SH3RF3: variants seen among roughly 807,000 people sequenced by gnomAD.
SH3RF3 encodes SH3 domain containing ring finger 3.
In SH3RF3, 29 loss-of-function variants were observed where a neutral mutation model predicts 66.3. The ratio of observed to expected loss-of-function variants is 0.44; its 90% confidence interval spans 0.33 to 0.60. The LOEUF is 0.60. SH3RF3 is among the 20% of genes least tolerant of loss of function. The pLI is 0.04. For synonymous variants in SH3RF3, 583 were observed against 532.0 expected, an observed-to-expected ratio of 1.10 and a Z score of -1.32; for missense variants, 1,194 against 1,190.9, an observed-to-expected ratio of 1.00 and a Z score of -0.04.
At chr2:109,342,944 TTTTA>T (rs1428035947) in intron 1 of SH3RF3, among the ~76,000 whole-genome samples, 1 of 152,218 alleles carries the variant, frequency 6.6e-6, no homozygotes, top group Non-Finnish European at 1.5e-5. Flanking sequence ...TCCTTTTTTC[TTTTA>T]TTTCTTTTTC....
chr2:109,356,713 C>T (rs1682950170), intron 2 of SH3RF3, among the ~76,000 whole-genome samples: 1 of 152,214 alleles, frequency 6.6e-6, no homozygotes, highest in Non-Finnish European at 1.5e-5. Flanking sequence ...CTGTGAAGTA[C>T]ACCCATCTTT....
chr2:109,385,140 AG>A lies in SH3RF3; in HGVS notation c.946-13449del, dbSNP rs573426628. 9.6e-4 allele frequency among the ~76,000 whole-genome samples: 146 copies of A among 152,328 alleles called. 1 individual carries two copies. Among genetic ancestry groups the A allele is most frequent in the African/African-American group, 3.3e-3 (137 of 41,576 alleles). On this transcript the variant is annotated intron_variant, in intron 3 of 9. Coordinates refer to ENST00000309415, the MANE Select transcript of SH3RF3 (RefSeq NM_001099289.3). ...ACCCCTGCCCACGTTGGCATCAGACAGTCGAGCAGAAGCTCTGGCTCTCTCT... is the reference window on the plus strand; with the variant it reads ...ACCCCTGCCCACGTTGGCATCAGACATCGAGCAGAAGCTCTGGCTCTCTCT...
rs144192240 is a variant in SH3RF3 at position 109,440,536 on chromosome 2, A to G, written c.1828+3390A>G. Among the ~76,000 whole-genome samples the G allele has an allele frequency of 3.2e-3, 481 of 152,334 alleles. 1 individual carries two copies. Among genetic ancestry groups the G allele is most frequent in the Non-Finnish European group, 4.7e-3 (320 of 68,024 alleles). The stretch of plus-strand genomic sequence containing the variant: ...TTGAGCTAGACTTCTGCTTATGGCC[A>G]ATCTGAAGTGATGAGGACAGGAATT... On this transcript the variant is annotated intron_variant, in intron 7 of 9. Coordinates refer to ENST00000309415, the MANE Select transcript of SH3RF3 (RefSeq NM_001099289.3).
chr2:109,398,493 A>G (rs1415869126), intron 3 of SH3RF3, 97 bp from the exon 4 acceptor site: 3 of 1,097,908 alleles, frequency 2.7e-6, no homozygotes, highest in Non-Finnish European at 3.8e-6. Context: ...ATGCATTGCC[A>G]GTTTGTGAAT....
At chr2:109,435,130 G>A (rs1244459487) in intron 6 of SH3RF3, among the ~76,000 whole-genome samples, 1 of 152,186 alleles carries the variant, frequency 6.6e-6, no homozygotes, top group Non-Finnish European at 1.5e-5. Flanking sequence ...GCAGTGTCAG[G>A]AGGTCATTGA....
intron 4 of SH3RF3, among the ~76,000 whole-genome samples, chr2:109,407,268 C>T (rs1267860670): frequency 2.0e-5 from 3 of 152,194 alleles, no homozygotes; most frequent in African/African-American, 7.2e-5. Context: ...GGAACATACC[C>T]TTTAAAATCA....
intron 4 of SH3RF3, among the ~76,000 whole-genome samples, chr2:109,414,728 C>T (rs1028934939): frequency 6.6e-6 from 1 of 152,214 alleles, no homozygotes; most frequent in Admixed American, 6.5e-5. Context: ...CCAAACACTG[C>T]GTGTCCAGCA....
intron 5 of SH3RF3, among the ~76,000 whole-genome samples, chr2:109,427,913 G>A (rs930675568): frequency 6.6e-6 from 1 of 152,248 alleles, no homozygotes; most frequent in East Asian, 1.9e-4. Context: ...AGCTCCCCAG[G>A]TGCTCGCGCA....
chr2:109,335,547 C>G (rs561435491), intron 1 of SH3RF3, among the ~76,000 whole-genome samples: 2 of 152,202 alleles, frequency 1.3e-5, no homozygotes, highest in Non-Finnish European at 2.9e-5. Context: ...TCACCCTATC[C>G]CCATCCCAGT....
At chr2:109,375,653 C>T (rs1683365382) in intron 3 of SH3RF3, among the ~76,000 whole-genome samples, 1 of 152,242 alleles carries the variant, frequency 6.6e-6, no homozygotes, top group Non-Finnish European at 1.5e-5. Context: ...AGAGTGAACT[C>T]ACAGGAGGAT....
intron 1 of SH3RF3, among the ~76,000 whole-genome samples, chr2:109,214,921 A>G (rs188783305): frequency 1.5e-4 from 23 of 152,330 alleles, no homozygotes; most frequent in Admixed American, 9.1e-4. Context: ...ACCACAGCCC[A>G]GGAGCTCTGC....
At chr2:109,250,338 A>G (rs1024530604) in intron 1 of SH3RF3, among the ~76,000 whole-genome samples, 3 of 152,152 alleles carry the variant, frequency 2.0e-5, no homozygotes, top group Non-Finnish European at 4.4e-5. Flanking sequence ...AAACATGCAC[A>G]AGCTAACAGT....
At position 109,356,379 on chromosome 2, in the gene SH3RF3, T is replaced by C. The variant is rs1042826174; in HGVS notation, c.849+8430T>C. On this transcript the variant is annotated intron_variant, in intron 2 of 9. Transcript: ENST00000309415. ...CCACCACACTGCAGCTAGGTCTATG[T>C]TGGACTTGCCTCTCTAGCCAGATGG... 1.6e-4 allele frequency among the ~76,000 whole-genome samples: 24 copies of C among 152,238 alleles called. 1 individual carries two copies.
rs550753165 is a variant in SH3RF3 at position 109,248,845 on chromosome 2, G to A, written c.574-98829G>A. Among the ~76,000 whole-genome samples, 743 of 129,440 alleles carry A rather than the reference G, an allele frequency of 5.7e-3. 2 individuals carry two copies. Among genetic ancestry groups the A allele is most frequent in the African/African-American group, 0.017 (560 of 32,734 alleles). 84.9% of individuals were successfully genotyped at this position (129,440 alleles called of 152,430 possible). A position where few individuals can be genotyped will look rare whatever the true frequency, so the allele number is the denominator to read the frequency against. ...TCTCTTTCTCTCTTTTCTCCTTTTCGTTTTCCTTTTTCCTTTCCTTTTTCC... is the reference window on the plus strand; with the variant it reads ...TCTCTTTCTCTCTTTTCTCCTTTTCATTTTCCTTTTTCCTTTCCTTTTTCC... On this transcript the variant is annotated intron_variant, in intron 1 of 9. Transcript: ENST00000309415.
intron 1 of SH3RF3, among the ~76,000 whole-genome samples, chr2:109,267,242 A>C (rs545098038): frequency 6.6e-6 from 1 of 152,214 alleles, no homozygotes; most frequent in African/African-American, 2.4e-5. Flanking sequence ...AGTGCATGTA[A>C]AGGCACACAA....
intron 6 of SH3RF3, among the ~76,000 whole-genome samples, chr2:109,434,037 G>A (rs1677329423): frequency 6.6e-6 from 1 of 152,200 alleles, no homozygotes; most frequent in African/African-American, 2.4e-5. Context: ...ATGCCAGTAG[G>A]AACAGGTTGG....
At chr2:109,372,355 T>A (rs1298351579) in intron 3 of SH3RF3, among the ~76,000 whole-genome samples, 1 of 152,198 alleles carries the variant, frequency 6.6e-6, no homozygotes, top group African/African-American at 2.4e-5. Context: ...GTAGGAGTAT[T>A]TGCCTATGGC....
intron 1 of SH3RF3, among the ~76,000 whole-genome samples, chr2:109,177,322 T>C (rs984939029): frequency 9.2e-5 from 14 of 152,256 alleles, no homozygotes; most frequent in African/African-American, 3.4e-4. Context: ...CTTTTATATC[T>C]ACTAAGAAAG....
intron 1 of SH3RF3, among the ~76,000 whole-genome samples, chr2:109,240,770 CT>C (rs1679758738): frequency 6.7e-6 from 1 of 148,652 alleles, no homozygotes; most frequent in Admixed American, 6.8e-5. Flanking sequence ...TCCTGTCGTC[CT>C]TCTCCTCTCT....
Sources: gnomAD v4.1 joint callset for allele counts (sites outside exome capture counted in the v4.1 genomes callset) on GRCh38, gnomAD v4.1.1 for gene constraint, MANE v1.5 for transcripts, NCBI Gene and HGNC (gene_info 2026-07-23, HGNC 2026-07-21) for gene names.